The following LYRM7 variants were observed in gnomAD, a reference collection of about 807,000 sequenced individuals.
LYRM7 encodes LYR motif containing 7, also known as complex III assembly factor LYRM7.
A neutral mutation model predicts 15.8 loss-of-function variants in LYRM7; 9 were observed. The observed-to-expected ratio is 0.57, with a 90% CI of 0.34 to 0.99. LYRM7 has a LOEUF of 0.99. Among genes scored for constraint, LYRM7 ranks in the 50% least tolerant of loss-of-function variants. The pLI is 0.02. For missense variants in LYRM7, 115 were observed against 119.1 expected, an observed-to-expected ratio of 0.97 and a Z score of 0.16; for synonymous variants, 39 against 39.4, an observed-to-expected ratio of 0.99 and a Z score of 0.04.
chr5:131,178,874 A>C (rs1755639535), intron 1 of LYRM7, among the ~76,000 whole-genome samples: 1 of 149,312 alleles, frequency 6.7e-6, no homozygotes, highest in South Asian at 2.1e-4. Flanking sequence ...AGGCAGGAGA[A>C]TCGCTTGAAC....
chr5:131,187,387 C>G (rs1755813787), intron 4 of LYRM7, among the ~76,000 whole-genome samples: 1 of 151,992 alleles, frequency 6.6e-6, no homozygotes, highest in Non-Finnish European at 1.5e-5. Context: ...TATTTATTTA[C>G]AGTTCTTAAT....
chr5:131,185,100 C>G (rs183126276), intron 3 of LYRM7, among the ~76,000 whole-genome samples: 336 of 152,170 alleles, frequency 2.2e-3, no homozygotes, highest in Middle Eastern at 0.014. Flanking sequence ...AATGGGCCTC[C>G]TGCTTCTAGC....
intron 4 of LYRM7, among the ~76,000 whole-genome samples, chr5:131,193,051 C>A (rs1580699572): frequency 6.6e-6 from 1 of 151,990 alleles, no homozygotes; most frequent in African/African-American, 2.4e-5. Flanking sequence ...TTTTTAACTT[C>A]CTCTCTGGCA....
In LYRM7 at chr5:131,201,686, T is replaced by G. The variant is rs1256679073; in HGVS notation, c.*2085T>G. On this transcript the variant is annotated 3_prime_UTR_variant, in exon 5 of 5. Transcript: ENST00000379380. ...GTGAGCCGAGATCGCACCATTGCAC[T>G]CCAGCCTAGGCAACAAGAGTGAAAC... 6.6e-6 allele frequency: 1 copy of G among 152,374 alleles called. No homozygotes were observed. Among genetic ancestry groups the G allele is most frequent in the Non-Finnish European group, 1.5e-5 (1 of 68,240 alleles). 9.4% of individuals were successfully genotyped at this position (152,374 alleles called of 1,614,324 possible).
At chr5:131,181,302 A>ATATATATATATATATATAT (rs71000974) in intron 2 of LYRM7, among the ~76,000 whole-genome samples, 1 of 8,774 alleles carries the variant, frequency 1.1e-4, no homozygotes, top group African/African-American at 2.2e-4. Context: ...AAAAAAAAAA[A>ATATATATATATATATATAT]ATATATATAT....
At chr5:131,176,416 G>A (rs1418062864) in intron 1 of LYRM7, among the ~76,000 whole-genome samples, 2 of 151,742 alleles carry the variant, frequency 1.3e-5, no homozygotes, top group Non-Finnish European at 2.9e-5. Flanking sequence ...TTTTACAGTA[G>A]CCATTCTACT....
In LYRM7 at chr5:131,199,565, T is replaced by C. The variant is rs769324572; in HGVS notation, c.279T>C (p.Asn93=). The change falls in exon 5 of 5, where the codon AAT becomes AAC. Residue 93 remains asparagine (N), a synonymous_variant. Transcript: ENST00000379380. Reference sequence around the variant, plus strand: ...CTAGGAAAGACCTTCTTGTAGAAAATGTGCCATATTGTGATGCACCAACTC... The same window carrying C: ...CTAGGAAAGACCTTCTTGTAGAAAACGTGCCATATTGTGATGCACCAACTC... ...LVPRKDLLVE[N]VPYCDAPTQK... The C allele has an allele frequency of 1.9e-6, 3 of 1,605,968 alleles. No homozygotes were observed. The highest frequency in any genetic ancestry group is 2.6e-6 in the Non-Finnish European group (3 of 1,176,280).
chr5:131,189,543 G>A (rs1755852733), intron 4 of LYRM7, among the ~76,000 whole-genome samples: 1 of 151,470 alleles, frequency 6.6e-6, no homozygotes, highest in East Asian at 1.9e-4. Context: ...GTATGAGATG[G>A]GAGGGTCAAG....
At chr5:131,181,275 GAAAAAAAAAAA>G (rs1195878324) in intron 2 of LYRM7, among the ~76,000 whole-genome samples, 572 of 8,250 alleles carry the variant, frequency 0.069, 53 homozygotes, top group African/African-American at 0.13. Context: ...GACTCCATCT[GAAAAAAAAAAA>G]AAAAAAAAAA....
Position 131,180,106 on chromosome 5 carries a change from C to T in LYRM7, c.30C>T (p.Leu10=), listed in dbSNP as rs1453685211. 1 of 1,611,982 alleles carries T rather than the reference C, an allele frequency of 6.2e-7. No individual in the cohort carries two copies. The highest frequency in any genetic ancestry group is 2.2e-5 in the East Asian group (1 of 44,788). MGRAVKVLQ[L]FKTLHRTRQQ... ...GATTTTCTTAACAGGTTTTACAGCT[C>T]TTTAAAACACTGCACAGGACCAGAC... The change falls in exon 2 of 5, where the codon CTC becomes CTT. Residue 10 remains leucine (L), a synonymous_variant. Transcript: ENST00000379380.
At chr5:131,184,898 A>G (rs1467452816) in intron 3 of LYRM7, among the ~76,000 whole-genome samples, 8 of 152,062 alleles carry the variant, frequency 5.3e-5, no homozygotes, top group Admixed American at 5.2e-4. Context: ...CCTCCTTTTG[A>G]TGCTCAGACC....
intron 4 of LYRM7, among the ~76,000 whole-genome samples, chr5:131,195,248 G>A (rs547229900): frequency 6.6e-6 from 1 of 152,184 alleles, no homozygotes; most frequent in East Asian, 1.9e-4. Context: ...CAGCCTGGGC[G>A]ACAGACAGAG....
intron 1 of LYRM7, among the ~76,000 whole-genome samples, chr5:131,176,772 G>C (rs537695273): frequency 6.6e-6 from 1 of 152,142 alleles, no homozygotes; most frequent in Non-Finnish European, 1.5e-5. Context: ...ATCCACAAAG[G>C]CGTACCCTTT....
chr5:131,189,444 CAAAAAAAAAAAAAAA>C (rs71000976), intron 4 of LYRM7, among the ~76,000 whole-genome samples: 2 of 46,180 alleles, frequency 4.3e-5, no homozygotes, highest in African/African-American at 1.6e-4. Flanking sequence ...CTCCGTCTCC[CAAAAAAAAAAAAAAA>C]AAAAAAAAAA....
intron 4 of LYRM7, among the ~76,000 whole-genome samples, chr5:131,192,238 A>G (rs967183361): frequency 6.6e-6 from 1 of 152,182 alleles, no homozygotes; most frequent in Non-Finnish European, 1.5e-5. Flanking sequence ...TTCAACTTAT[A>G]GAAACAGAGT....
In LYRM7 at chr5:131,200,608, G is replaced by A. The variant is rs185235252; in HGVS notation, c.*1007G>A. The A allele has an allele frequency of 1.5e-4, 23 of 152,338 alleles. No individual in the cohort carries two copies. Among genetic ancestry groups the A allele is most frequent in the Middle Eastern group, 3.4e-3 (1 of 294 alleles). The allele number at this position is 152,338 out of a possible 1,614,324, so 9.4% of individuals were successfully genotyped here. On this transcript the variant is annotated 3_prime_UTR_variant, in exon 5 of 5. Transcript: ENST00000379380. ...TTCTCTCATTTGATGATGATACAGG[G>A]TTTTTAATTTTTGCAAGATTCTCAA...
chr5:131,180,269 C>T lies in LYRM7; in HGVS notation c.91+102C>T, dbSNP rs1020154534. 4 of 663,074 alleles carry T rather than the reference C, an allele frequency of 6.0e-6. No individual in the cohort carries two copies. In the African/African-American group the frequency reaches 7.5e-5, roughly 12 times the overall value. 41.1% of individuals were successfully genotyped at this position (663,074 alleles called of 1,614,324 possible). ...GTCAAGACCCATTTTAGGGAATGAC[C>T]TTCACTACCTCTCTCTGATATCTTT... On this transcript the variant is annotated intron_variant, in intron 2 of 4. Coordinates refer to ENST00000379380, the MANE Select transcript of LYRM7 (RefSeq NM_181705.4).
At chr5:131,179,056 A>C (rs1435147705) in intron 1 of LYRM7, among the ~76,000 whole-genome samples, 1 of 152,132 alleles carries the variant, frequency 6.6e-6, no homozygotes, top group East Asian at 1.9e-4. Context: ...AGATGCAATA[A>C]ATTCATAATT....
intron 4 of LYRM7, among the ~76,000 whole-genome samples, chr5:131,195,018 CT>C (rs1755941472): frequency 6.6e-6 from 1 of 152,162 alleles, no homozygotes; most frequent in Non-Finnish European, 1.5e-5. Flanking sequence ...TATCCCGGCA[CT>C]TTGGGAGGCT....
Sources: allele counts gnomAD v4.1 joint callset (sites outside exome capture counted in the v4.1 genomes callset), GRCh38; gene constraint gnomAD v4.1.1; transcripts MANE v1.5; gene names NCBI Gene and HGNC (gene_info 2026-07-23, HGNC 2026-07-21).